The following SH3BP5L variants were observed in gnomAD, a reference collection of about 807,000 sequenced individuals.
SH3BP5L encodes SH3 domain-binding protein 5-like.
A neutral mutation model predicts 40.9 loss-of-function variants in SH3BP5L; 16 were observed. That is an observed-to-expected ratio of 0.39 (90% CI 0.27 to 0.59). SH3BP5L has a LOEUF of 0.59. SH3BP5L is among the 20% of genes least tolerant of loss of function. SH3BP5L has a pLI of 0.53. For synonymous variants in SH3BP5L, 229 were observed against 226.7 expected, an observed-to-expected ratio of 1.01 and a Z score of -0.09; for missense variants, 471 against 544.6, an observed-to-expected ratio of 0.86 and a Z score of 1.35.
At chr1:248,822,628 C>G (rs1399851356) in intron 2 of SH3BP5L, among the ~76,000 whole-genome samples, 1 of 151,848 alleles carries the variant, frequency 6.6e-6, no homozygotes, top group Non-Finnish European at 1.5e-5. Context: ...ACAGAATATT[C>G]TATTTATGCA....
In SH3BP5L at chr1:248,821,850, T is replaced by C. The variant is rs530957648; in HGVS notation, c.183+2903A>G. On this transcript the variant is annotated intron_variant, in intron 2 of 6. Coordinates refer to ENST00000366472, the MANE Select transcript of SH3BP5L (RefSeq NM_030645.3). The surrounding 1 kb of genome is among the most constrained non-coding windows in gnomAD (Gnocchi z 4.6). ...ACTTCCAGAGGAATCCCACCATAAA[T>C]GGCCATGGAGCTGCCTGCCTGCAAA... Among the ~76,000 whole-genome samples, 1 of 152,220 alleles carries C rather than the reference T, an allele frequency of 6.6e-6. No individual in the cohort carries two copies. The highest frequency in any genetic ancestry group is 6.5e-5 in the Admixed American group (1 of 15,298).
intron 2 of SH3BP5L, among the ~76,000 whole-genome samples, chr1:248,823,162 C>A (rs748284077): frequency 6.6e-6 from 1 of 152,208 alleles, no homozygotes; most frequent in Non-Finnish European, 1.5e-5. Context: ...CTGCAGAAGC[C>A]TTCTCTGGAG....
In SH3BP5L at chr1:248,812,955, A is replaced by T; in HGVS notation, c.711+34T>A. Reference sequence around the variant, plus strand: ...TCCCCTCCAGCCTGCACCCCCACCTACCCATTCCTCCTCCCCCTCACCCAC... The same window carrying T: ...TCCCCTCCAGCCTGCACCCCCACCTTCCCATTCCTCCTCCCCCTCACCCAC... On this transcript the variant is annotated intron_variant, in intron 6 of 6. Coordinates refer to ENST00000366472, the MANE Select transcript of SH3BP5L (RefSeq NM_030645.3). This position sits in a 1 kb window ranked among gnomAD's most constrained non-coding sequence, Gnocchi z 6.1. The T allele has an allele frequency of 6.5e-7, 1 of 1,529,304 alleles. No individual in the cohort carries two copies. The highest frequency in any genetic ancestry group is 8.9e-7 in the Non-Finnish European group (1 of 1,128,804). The allele number at this position is 1,529,304 out of a possible 1,614,324, so 94.7% of individuals were successfully genotyped here. A position where few individuals can be genotyped will look rare whatever the true frequency, so the allele number is the denominator to read the frequency against.
chr1:248,816,804 A>G lies in SH3BP5L; in HGVS notation c.246+18T>C. The stretch of plus-strand genomic sequence containing the variant: ...CTTCCAAGGACCAGCCCAAGCACAT[A>G]AGGAAAAGGACACTCACATCCAGCT... On this transcript the variant is annotated intron_variant, in intron 3 of 6. Transcript: ENST00000366472. The G allele has an allele frequency of 1.2e-6, 2 of 1,614,022 alleles. No individual in the cohort carries two copies. Among genetic ancestry groups the G allele is most frequent in the Non-Finnish European group, 1.7e-6 (2 of 1,179,890 alleles).
At position 248,812,677 on chromosome 1, in the gene SH3BP5L, C is replaced by T. The variant is rs1319764430; in HGVS notation, c.712-307G>A. Reference sequence around the variant, plus strand: ...ACCAGCTCCTGCTTCCTCATCCTCTCCCCACTGTTCCCTTTCACCCAATGG... The same window carrying T: ...ACCAGCTCCTGCTTCCTCATCCTCTTCCCACTGTTCCCTTTCACCCAATGG... On this transcript the variant is annotated intron_variant, in intron 6 of 6. Transcript: ENST00000366472. This position sits in a 1 kb window ranked among gnomAD's most constrained non-coding sequence, Gnocchi z 6.1. Among the ~76,000 whole-genome samples the T allele has an allele frequency of 1.3e-5, 2 of 152,150 alleles. No individual in the cohort carries two copies. Among genetic ancestry groups the T allele is most frequent in the East Asian group, 3.9e-4 (2 of 5,184 alleles).
At position 248,814,612 on chromosome 1, in the gene SH3BP5L, T is replaced by TG. The variant is rs773374960; in HGVS notation, c.376-3dup. ...TGCCTTCTGTGTCTCCTGCTGAGCC[T>TG]GGGGGGAGAGGGATATCAGGATGGG... On this transcript the variant is annotated splice_region_variant and splice_polypyrimidine_tract_variant and intron_variant, in intron 4 of 6. Transcript: ENST00000366472. 1.9e-6 allele frequency: 3 copies of TG among 1,614,090 alleles called. No homozygotes were observed. Among genetic ancestry groups the TG allele is most frequent in the African/African-American group, 1.3e-5 (1 of 75,006 alleles).
rs969942374 is a variant in SH3BP5L, at chr1:248,821,946, C to T, written c.183+2807G>A. Among the ~76,000 whole-genome samples the T allele has an allele frequency of 5.3e-5, 8 of 152,162 alleles. No individual in the cohort carries two copies. The highest frequency in any genetic ancestry group is 9.7e-5 in the African/African-American group (4 of 41,426). On this transcript the variant is annotated intron_variant, in intron 2 of 6. Transcript: ENST00000366472. This position sits in a 1 kb window ranked among gnomAD's most constrained non-coding sequence, Gnocchi z 4.6. ...CATTTCCGGGAGCCTCAGAAAATAC[C>T]GAAACAGGCGCTCTACCTTTGGGAT...
At position 248,825,881 on chromosome 1, in the gene SH3BP5L, T is replaced by TGGG; in HGVS notation, c.-479_-478insCCC. ...CGGAGCTTCTATGCTGCAAACAATC[T>TGGG]CCCCCCCTCCCTCCCCGCAACAAGC... is the stretch of plus-strand genomic sequence containing the variant. On this transcript the variant is annotated 5_prime_UTR_variant, in exon 1 of 7. Coordinates refer to ENST00000366472, the MANE Select transcript of SH3BP5L (RefSeq NM_030645.3). The TGGG allele has an allele frequency of 3.2e-6, 3 of 941,882 alleles. No individual in the cohort carries two copies. The highest frequency in any genetic ancestry group is 3.8e-6 in the Non-Finnish European group (3 of 794,230). The allele number at this position is 941,882 out of a possible 1,614,324, so 58.3% of individuals were successfully genotyped here.
rs1664344607 is a variant in SH3BP5L at position 248,825,151 on chromosome 1, A to G, written c.-216T>C. ...CCTAGAGCTGAAGCCTTGTCTGTGC[A>G]AAAGTTCTTCCCTTCCCGCCACAGG... On this transcript the variant is annotated 5_prime_UTR_variant, in exon 2 of 7. Transcript: ENST00000366472. The G allele has an allele frequency of 7.5e-7, 1 of 1,339,696 alleles. No individual in the cohort carries two copies. The highest frequency in any genetic ancestry group is 9.5e-7 in the Non-Finnish European group (1 of 1,048,304). The allele number at this position is 1,339,696 out of a possible 1,614,324, so 83.0% of individuals were successfully genotyped here. A position where few individuals can be genotyped will look rare whatever the true frequency, so the allele number is the denominator to read the frequency against.
rs759968128 is a variant in SH3BP5L at position 248,824,937 on chromosome 1, C to G, written c.-2G>C. 6.0e-5 allele frequency: 96 copies of G among 1,611,790 alleles called. No individual in the cohort carries two copies. The highest frequency in any genetic ancestry group is 7.5e-5 in the Non-Finnish European group (88 of 1,179,150). ...TGGAACCTGTCTGAGCTCAGCCATGCTGACAGGGGGAGGGCAGAGCCCTAT... is the reference window on the plus strand; with the variant it reads ...TGGAACCTGTCTGAGCTCAGCCATGGTGACAGGGGGAGGGCAGAGCCCTAT... On this transcript the variant is annotated 5_prime_UTR_variant, in exon 2 of 7. Coordinates refer to ENST00000366472, the MANE Select transcript of SH3BP5L (RefSeq NM_030645.3).
chr1:248,825,269 T>G lies in SH3BP5L; in HGVS notation c.-334A>C. On this transcript the variant is annotated 5_prime_UTR_variant, in exon 2 of 7. An upstream start codon of the reference 5' UTR is lost. Coordinates refer to ENST00000366472, the MANE Select transcript of SH3BP5L (RefSeq NM_030645.3). The stretch of plus-strand genomic sequence containing the variant: ...CCGAGGCCTGCTAGGAGGAGCACCA[T>G]TCGGGAGGGTGGAGGCAGGCGCCTC... 9.6e-7 allele frequency: 1 copy of G among 1,045,638 alleles called. No homozygotes were observed. The highest frequency in any genetic ancestry group is 8.3e-5 in the East Asian group (1 of 12,092). The allele number at this position is 1,045,638 out of a possible 1,614,324, so 64.8% of individuals were successfully genotyped here.
intron 4 of SH3BP5L, chr1:248,816,064 A>G (rs1404561569): frequency 1.9e-5 from 3 of 158,340 alleles, no homozygotes; most frequent in Non-Finnish European, 4.2e-5. Flanking sequence ...TTGTTTTATT[A>G]TGTTTTTCCA....
intron 2 of SH3BP5L, among the ~76,000 whole-genome samples, chr1:248,817,522 C>T (rs1433974055): frequency 6.6e-6 from 1 of 152,222 alleles, no homozygotes; most frequent in African/African-American, 2.4e-5. Context: ...GCCTGGAACA[C>T]TTGCTCAGCA....
rs775990058 is a variant in SH3BP5L at position 248,814,613 on chromosome 1, G to T, written c.376-3C>A. 22 of 1,613,996 alleles carry T rather than the reference G, an allele frequency of 1.4e-5. No homozygotes were observed. The highest frequency in any genetic ancestry group is 3.3e-5 in the South Asian group (3 of 91,092). On this transcript the variant is annotated splice_region_variant and splice_polypyrimidine_tract_variant and intron_variant, in intron 4 of 6. Transcript: ENST00000366472. ...GCCTTCTGTGTCTCCTGCTGAGCCTGGGGGGAGAGGGATATCAGGATGGGG... is the reference window on the plus strand; with the variant it reads ...GCCTTCTGTGTCTCCTGCTGAGCCTTGGGGGAGAGGGATATCAGGATGGGG...
intron 2 of SH3BP5L, chr1:248,820,735 CA>C (rs1307906971): frequency 2.6e-5 from 4 of 152,176 alleles, no homozygotes; most frequent in African/African-American, 9.7e-5. Context: ...GGAAATGCAA[CA>C]AACATTGATT....
intron 4 of SH3BP5L, among the ~76,000 whole-genome samples, chr1:248,815,159 C>G (rs1664070009): frequency 6.6e-6 from 1 of 152,128 alleles, no homozygotes; most frequent in Non-Finnish European, 1.5e-5. Context: ...TGCCTGTGAG[C>G]CCATCTACTT....
intron 2 of SH3BP5L, among the ~76,000 whole-genome samples, chr1:248,817,634 C>T (rs1664142724): frequency 6.6e-6 from 1 of 152,110 alleles, no homozygotes; most frequent in East Asian, 1.9e-4. Context: ...AGGCAGATCA[C>T]CTGAGGTCAG....
In SH3BP5L at chr1:248,812,581, T is replaced by C. The variant is rs1228968676; in HGVS notation, c.712-211A>G. 6.6e-6 allele frequency among the ~76,000 whole-genome samples: 1 copy of C among 151,510 alleles called. No individual in the cohort carries two copies. The highest frequency in any genetic ancestry group is 2.4e-5 in the African/African-American group (1 of 40,948). On this transcript the variant is annotated intron_variant, in intron 6 of 6. Transcript: ENST00000366472. This position sits in a 1 kb window ranked among gnomAD's most constrained non-coding sequence, Gnocchi z 6.1. Reference sequence around the variant, plus strand: ...TCCCTGCTCCACTTGCTCTGCGTTGTTCCTCCCCAGCAATCCTGCTCCTGA... The same window carrying C: ...TCCCTGCTCCACTTGCTCTGCGTTGCTCCTCCCCAGCAATCCTGCTCCTGA...
At chr1:248,814,148 A>G (rs561054032) in intron 5 of SH3BP5L, 2 of 416,130 alleles carry the variant, frequency 4.8e-6, no homozygotes, top group East Asian at 9.4e-5. Flanking sequence ...GCTAAACATA[A>G]TAAAATGTGA....
Sources: allele counts gnomAD v4.1 joint callset (sites outside exome capture counted in the v4.1 genomes callset), GRCh38; gene constraint gnomAD v4.1.1; non-coding constraint Gnocchi (gnomAD v3.1); transcripts MANE v1.5; gene names NCBI Gene and HGNC (gene_info 2026-07-23, HGNC 2026-07-21).